The following ENPP2 variants were observed in gnomAD, a reference collection of about 807,000 sequenced individuals.
ENPP2 encodes the protein autotaxin.
In ENPP2, 51 loss-of-function variants were observed where a neutral mutation model predicts 120.2. That is an observed-to-expected ratio of 0.42 (90% CI 0.34 to 0.54). ENPP2 has a LOEUF of 0.54. Among genes scored for constraint, ENPP2 ranks in the 20% least tolerant of loss-of-function variants. The pLI, the probability that ENPP2 is intolerant of heterozygous loss-of-function variation, is 0.04. For missense variants in ENPP2, 920 were observed against 1,066.5 expected (o/e 0.86, Z 1.91); for synonymous variants, 365 against 366.4 (o/e 1.00, Z 0.04).
At chr8:119,656,165 A>C (rs12676423) in intron 1 of ENPP2, among the ~76,000 whole-genome samples, 52,528 of 152,000 alleles carry the variant, frequency 0.35, 9,303 homozygotes, top group East Asian at 0.55. Flanking sequence ...GCAAAAGATG[A>C]TGTTTTTCTC....
At chr8:119,625,228 G>C (rs1816187514) in intron 3 of ENPP2, among the ~76,000 whole-genome samples, 1 of 152,130 alleles carries the variant, frequency 6.6e-6, no homozygotes, top group Non-Finnish European at 1.5e-5. Flanking sequence ...AACTCTGCTG[G>C]AACATCTGTT....
rs977140775 is a variant in ENPP2 at position 119,607,989 on chromosome 8, A to C, written c.778-12T>G. 1 of 1,593,620 alleles carries C rather than the reference A, an allele frequency of 6.3e-7. No individual in the cohort carries two copies. Among genetic ancestry groups the C allele is most frequent in the Non-Finnish European group, 8.6e-7 (1 of 1,168,884 alleles). On this transcript the variant is annotated splice_polypyrimidine_tract_variant and intron_variant, in intron 8 of 24. Coordinates refer to ENST00000075322, the MANE Select transcript of ENPP2 (RefSeq NM_001040092.3). Reference sequence around the variant, plus strand: ...GCTGTAATCCATAGCTAATGAGGAAAATATAAGCGGCTTAAAATGTGTTCT... The same window carrying C: ...GCTGTAATCCATAGCTAATGAGGAACATATAAGCGGCTTAAAATGTGTTCT...
At chr8:119,571,208 C>A (rs991399249) in intron 19 of ENPP2, 9 of 157,844 alleles carry the variant, frequency 5.7e-5, no homozygotes, top group Non-Finnish European at 9.7e-5. Context: ...ATTATTTTGA[C>A]CCCTGAAGAG....
rs1815516560 is a variant in ENPP2 at position 119,617,207 on chromosome 8, A to G, written c.614T>C (p.Val205Ala). 2 of 1,613,754 alleles carry G rather than the reference A, an allele frequency of 1.2e-6. No individual in the cohort carries two copies. The highest frequency in any genetic ancestry group is 1.3e-5 in the African/African-American group (1 of 74,932). The change falls in exon 7 of 25, where the codon GTG becomes GCG. Residue 205 changes from valine (V) to alanine (A), a missense_variant. Coordinates refer to ENST00000075322, the MANE Select transcript of ENPP2 (RefSeq NM_001040092.3). ...CGTHSPYMRP[V>A]YPTKTFPNLY... is the part of the protein sequence containing the mutation. ...GTTAGGAAAGGTTTTAGTTGGGTAC[A>G]CCGGCCTCATGTAGGGAGAGTGTGT...
In ENPP2 at chr8:119,600,685, C is replaced by A. The variant is rs919610703; in HGVS notation, c.965G>T (p.Gly322Val). 2 of 1,608,396 alleles carry A rather than the reference C, an allele frequency of 1.2e-6. No homozygotes were observed. The highest frequency in any genetic ancestry group is 1.7e-6 in the Non-Finnish European group (2 of 1,174,868). The change falls in exon 11 of 25, where the codon GGC (glycine) becomes GTC (valine). Residue 322 changes from glycine (G) to valine (V), a missense_variant. Physicochemically the swap from Gly to Val is moderately radical, Grantham distance 109. Coordinates refer to ENST00000075322, the MANE Select transcript of ENPP2 (RefSeq NM_001040092.3). ...DFSGHKYGPF[G>V]PEMTNPLREI... is the part of the protein sequence containing the mutation. ...AGATGCTAAACCACTAACCTCAGGG[C>A]CGAAAGGGCCATATTTGTGTCCAGA...
chr8:119,665,542 A>T (rs1818044210), intron 1 of ENPP2, among the ~76,000 whole-genome samples: 1 of 152,212 alleles, frequency 6.6e-6, no homozygotes, highest in Non-Finnish European at 1.5e-5. Flanking sequence ...TCACATTGAT[A>T]CAAAGGCACT....
intron 9 of ENPP2, among the ~76,000 whole-genome samples, chr8:119,604,894 C>T (rs980668381): frequency 6.6e-6 from 1 of 152,098 alleles, no homozygotes; most frequent in African/African-American, 2.4e-5. Flanking sequence ...CTGCCTCAGC[C>T]TCCTGAGTAG....
chr8:119,582,069 C>G (rs1026164239), intron 18 of ENPP2, among the ~76,000 whole-genome samples: 2 of 152,192 alleles, frequency 1.3e-5, no homozygotes, highest in Non-Finnish European at 2.9e-5. Context: ...TATGGGCCAC[C>G]TGTCTCCCGT....
chr8:119,646,452 C>A (rs1345910838), intron 1 of ENPP2, among the ~76,000 whole-genome samples: 2 of 152,190 alleles, frequency 1.3e-5, no homozygotes, highest in East Asian at 3.8e-4. Context: ...GTTTTCGCAA[C>A]TCCACCAGGT....
At chr8:119,565,026 T>A in intron 22 of ENPP2, 71 bp from the exon 23 acceptor site, 1 of 1,397,214 alleles carries the variant, frequency 7.2e-7, no homozygotes, top group Non-Finnish European at 9.9e-7. Context: ...AAATTCTCTC[T>A]AGGATGCATG....
At chr8:119,664,093 C>T (rs1035702197) in intron 1 of ENPP2, among the ~76,000 whole-genome samples, 29 of 152,106 alleles carry the variant, frequency 1.9e-4, no homozygotes, top group African/African-American at 7.0e-4. Flanking sequence ...AGAGTAGGTG[C>T]CCTCAGGCTT....
chr8:119,663,361 A>G (rs949885177), intron 1 of ENPP2, among the ~76,000 whole-genome samples: 1 of 152,210 alleles, frequency 6.6e-6, no homozygotes, highest in Admixed American at 6.5e-5. Context: ...CCACAAAATT[A>G]TCTTACAGAT....
chr8:119,641,120 T>C (rs1817274337), upstream of ENPP2, among the ~76,000 whole-genome samples: 1 of 152,154 alleles, frequency 6.6e-6, no homozygotes, highest in Non-Finnish European at 1.5e-5. Flanking sequence ...ATAAGGAACA[T>C]GTTAACATGA....
Position 119,557,644 on chromosome 8 carries a change from G to A in ENPP2, c.2469C>T (p.His823=). The change falls in exon 25 of 25, where the codon CAC becomes CAT. Residue 823 remains histidine (H), a synonymous_variant. Coordinates refer to ENST00000075322, the MANE Select transcript of ENPP2 (RefSeq NM_001040092.3). ...GTTCAATGTCACGCACCCTAGCTGT[G>A]TGCATCTTCATGAGTTCTTCTACCC... The part of the protein sequence containing the change: ...SKWVEELMKM[H]TARVRDIEHL... 1.9e-6 allele frequency: 3 copies of A among 1,600,432 alleles called. No homozygotes were observed. Among genetic ancestry groups the A allele is most frequent in the African/African-American group, 1.3e-5 (1 of 74,184 alleles).
chr8:119,577,234 T>C (rs1812403615), intron 19 of ENPP2, among the ~76,000 whole-genome samples: 3 of 152,212 alleles, frequency 2.0e-5, no homozygotes, highest in Non-Finnish European at 4.4e-5. Context: ...TGTATAGAAG[T>C]TTAGGTTTAC....
At chr8:119,631,051 T>C (rs1587534083) in intron 2 of ENPP2, among the ~76,000 whole-genome samples, 2 of 151,698 alleles carry the variant, frequency 1.3e-5, no homozygotes, top group African/African-American at 4.8e-5. Context: ...CCCGCCACTA[T>C]GCCCGGCTAA....
intron 2 of ENPP2, among the ~76,000 whole-genome samples, chr8:119,636,430 G>A (rs1817003145): frequency 6.6e-6 from 1 of 152,126 alleles, no homozygotes; most frequent in South Asian, 2.1e-4. Flanking sequence ...AAAATTCAGA[G>A]TTAGGTTGCA....
chr8:119,568,240 GA>G lies in ENPP2; in HGVS notation c.2065del (p.Ser689HisfsTer11). 1 of 1,577,226 alleles carries G rather than the reference GA, an allele frequency of 6.3e-7. No individual in the cohort carries two copies. Among genetic ancestry groups the G allele is most frequent in the Non-Finnish European group, 8.7e-7 (1 of 1,149,156 alleles). ...GAATGCATCATATTTAGCCTCTGGT[GA>G]AGAGCTCAGATCTAAACATTAGGAA... The part of the protein sequence containing the change: ...GFLFPPYLSS[S>X]PEAKYDAFLV... On this transcript the variant is annotated frameshift_variant, in exon 22 of 25. Transcript: ENST00000075322. LOFTEE classifies it high-confidence loss of function.
chr8:119,603,777 G>A (rs963050369), intron 9 of ENPP2, among the ~76,000 whole-genome samples: 2 of 152,104 alleles, frequency 1.3e-5, no homozygotes, highest in African/African-American at 4.8e-5. Flanking sequence ...TGGGTTTAAG[G>A]CATTTGTGTA....
Sources: gnomAD v4.1 joint callset for allele counts (sites outside exome capture counted in the v4.1 genomes callset) on GRCh38, gnomAD v4.1.1 for gene constraint, MANE v1.5 for transcripts, NCBI Gene and HGNC (gene_info 2026-07-23, HGNC 2026-07-21) for gene names.